FAM168A: variants seen among roughly 807,000 people sequenced by gnomAD.
FAM168A encodes family with sequence similarity 168 member A, also known as protein FAM168A.
FAM168A carries 3 observed loss-of-function variants against 28.5 expected under a neutral mutation model. The observed-to-expected ratio is 0.11, with a 90% CI of 0.05 to 0.27. FAM168A has a LOEUF of 0.27. FAM168A is among the 10% of genes least tolerant of loss of function. The pLI, the probability that FAM168A is intolerant of heterozygous loss-of-function variation, is 1.00. For missense variants in FAM168A, 222 were observed against 311.5 expected (o/e 0.71, Z 2.16); for synonymous variants, 122 against 124.2 (o/e 0.98, Z 0.12).
intron 1 of FAM168A, among the ~76,000 whole-genome samples, chr11:73,495,073 G>A (rs1018841024): frequency 2.7e-5 from 4 of 150,928 alleles, no homozygotes; most frequent in African/African-American, 9.8e-5. Flanking sequence ...TCAGGACTCA[G>A]TAAAGACTCC....
At chr11:73,443,586 T>C (rs1434990317) in intron 2 of FAM168A, among the ~76,000 whole-genome samples, 1 of 152,214 alleles carries the variant, frequency 6.6e-6, no homozygotes, top group Non-Finnish European at 1.5e-5. Context: ...TTACCTGTGC[T>C]CAGGTCATGT....
chr11:73,583,008 T>C (rs768947557), intron 1 of FAM168A, among the ~76,000 whole-genome samples: 1 of 152,094 alleles, frequency 6.6e-6, no homozygotes, highest in Non-Finnish European at 1.5e-5. Context: ...AGACACTCTA[T>C]TAAAACTCAG....
intron 2 of FAM168A, among the ~76,000 whole-genome samples, chr11:73,465,068 G>A (rs1290725589): frequency 6.6e-6 from 1 of 151,426 alleles, no homozygotes; most frequent in Non-Finnish European, 1.5e-5. Context: ...AGCCAGGCAC[G>A]ACACGAGAAG....
intron 2 of FAM168A, among the ~76,000 whole-genome samples, chr11:73,431,439 T>A (rs956550854): frequency 2.7e-5 from 4 of 149,468 alleles, no homozygotes; most frequent in African/African-American, 9.8e-5. Context: ...CGCACTACTC[T>A]CCTCCCCAGA....
intron 2 of FAM168A, among the ~76,000 whole-genome samples, chr11:73,440,280 T>C (rs566965820): frequency 6.6e-6 from 1 of 152,272 alleles, no homozygotes; most frequent in South Asian, 2.1e-4. Flanking sequence ...TTGTTTTCCA[T>C]GTAAAATAAT....
chr11:73,470,920 G>T (rs1039903173), intron 1 of FAM168A, among the ~76,000 whole-genome samples: 1 of 152,298 alleles, frequency 6.6e-6, no homozygotes, highest in African/African-American at 2.4e-5. Flanking sequence ...CATCAGCTTT[G>T]AAACTGGTCT....
intron 3 of FAM168A, chr11:73,430,313 T>A: frequency 3.9e-6 from 1 of 259,076 alleles, no homozygotes; most frequent in South Asian, 3.7e-5. Context: ...TCCCAAGGGG[T>A]GTGTGGGTGT....
chr11:73,595,992 G>A (rs1221612827), intron 1 of FAM168A, among the ~76,000 whole-genome samples: 2 of 152,144 alleles, frequency 1.3e-5, no homozygotes, highest in African/African-American at 2.4e-5. Flanking sequence ...ACATAAAGCG[G>A]TGGTGCCAAG....
chr11:73,411,121 G>A (rs553563829), intron 5 of FAM168A, among the ~76,000 whole-genome samples: 1 of 152,318 alleles, frequency 6.6e-6, no homozygotes, highest in Admixed American at 6.5e-5. Flanking sequence ...TTTAACAAAG[G>A]AGTTGAGCTA....
Position 73,419,941 on chromosome 11 carries a change from G to T in FAM168A, c.210C>A (p.Gly70=). ...CGGTGTCCACTGGGAGGTGGAAGGT[G>T]CCTTCAGTGCCACAGGAAGACGAGT... ...PQNSSSCGTE[G]TFHLPVDTGT... is the part of the protein sequence containing the mutation. The change falls in exon 4 of 8, where the codon GGC becomes GGA. Residue 70 remains glycine (G), a synonymous_variant. Coordinates refer to ENST00000356467, the MANE Select transcript of FAM168A (RefSeq NM_015159.3). 6.2e-7 allele frequency: 1 copy of T among 1,613,856 alleles called. No homozygotes were observed. Among genetic ancestry groups the T allele is most frequent in the East Asian group, 2.2e-5 (1 of 44,890 alleles).
intron 2 of FAM168A, among the ~76,000 whole-genome samples, chr11:73,440,705 G>A (rs1245792029): frequency 6.6e-6 from 1 of 152,154 alleles, no homozygotes; most frequent in South Asian, 2.1e-4. Context: ...ATGACCTTGG[G>A]ATTACAAAGT....
At chr11:73,580,653 T>C in intron 1 of FAM168A, 1 of 385,842 alleles carries the variant, frequency 2.6e-6, no homozygotes, top group Non-Finnish European at 4.9e-6. Flanking sequence ...ACACAGAACA[T>C]GTCCTTGTTG....
chr11:73,565,448 G>A (rs1383024175), intron 1 of FAM168A, among the ~76,000 whole-genome samples: 3 of 152,192 alleles, frequency 2.0e-5, no homozygotes, highest in Non-Finnish European at 2.9e-5. Context: ...GGTTTGCATC[G>A]GTAGGTAGGG....
In FAM168A at chr11:73,419,969, T is replaced by C; in HGVS notation, c.182A>G (p.Gln61Arg). ...TTCAGTGCCACAGGAAGACGAGTTC[T>C]GTGGCCAGGCCTGTTTCATCAGCAG... ...ATLLMKQAWPQNSSSCGTEGT... is the reference protein window; with the variant it reads ...ATLLMKQAWPRNSSSCGTEGT... The change falls in exon 4 of 8, where the codon CAG (glutamine) becomes CGG (arginine). Residue 61 changes from glutamine to arginine, a missense_variant. Physicochemically the swap from Gln to Arg is conservative, Grantham distance 43 (BLOSUM62 1). Around this residue, in one of 3 missense-constraint regions of FAM168A, gnomAD observed 153 missense variants for 189.2 expected, o/e 0.81. Transcript: ENST00000356467. 6.2e-7 allele frequency: 1 copy of C among 1,613,958 alleles called. No individual in the cohort carries two copies.
chr11:73,409,697 G>C (rs763995542), intron 5 of FAM168A, 36 bp from the exon 6 acceptor site: 77 of 1,572,962 alleles, frequency 4.9e-5, no homozygotes, highest in Non-Finnish European at 6.3e-5. Flanking sequence ...TAGGCATTTG[G>C]AGAGGTAGGT....
chr11:73,577,855 C>T (rs1944194877), intron 1 of FAM168A, among the ~76,000 whole-genome samples: 1 of 152,116 alleles, frequency 6.6e-6, no homozygotes, highest in Admixed American at 6.5e-5. Context: ...GCATGTGTAA[C>T]ACTGGGCATG....
intron 2 of FAM168A, among the ~76,000 whole-genome samples, chr11:73,440,372 G>A (rs1590777359): frequency 3.9e-5 from 6 of 152,192 alleles, no homozygotes; most frequent in Admixed American, 3.9e-4. Context: ...CAGGCTGGTC[G>A]TGGTGGCTCA....
chr11:73,467,904 T>C (rs890674233), intron 2 of FAM168A, among the ~76,000 whole-genome samples: 1 of 152,176 alleles, frequency 6.6e-6, no homozygotes, highest in African/African-American at 2.4e-5. Flanking sequence ...ATAAGGACAA[T>C]GAAACTGTTG....
intron 1 of FAM168A, among the ~76,000 whole-genome samples, chr11:73,554,183 C>T (rs925584945): frequency 4.0e-5 from 6 of 151,834 alleles, no homozygotes; most frequent in African/African-American, 9.7e-5. Flanking sequence ...GAGACCAGCC[C>T]GGGCAACACA....
Sources: allele counts gnomAD v4.1 joint callset (sites outside exome capture counted in the v4.1 genomes callset), GRCh38; gene constraint gnomAD v4.1.1; regional missense constraint gnomAD v4.1.1; transcripts MANE v1.5; gene names NCBI Gene and HGNC (gene_info 2026-07-23, HGNC 2026-07-21).